The following GIT2 variants were observed in gnomAD, a reference collection of about 807,000 sequenced individuals.
GIT2 encodes ARF GTPase-activating protein GIT2.
In GIT2, 32 loss-of-function variants were observed where a neutral mutation model predicts 100.3. That is an observed-to-expected ratio of 0.32 (90% confidence interval 0.24 to 0.43). The LOEUF (loss-of-function observed/expected upper bound fraction) is 0.43, where lower values mean the gene tolerates loss of function less well. Ranked by LOEUF, GIT2 falls within the 20% of genes least tolerant of loss-of-function variation. The pLI is 1.00. For synonymous variants in GIT2, 353 were observed against 364.1 expected, an observed-to-expected ratio of 0.97 and a Z score of 0.35; for missense variants, 737 against 975.1, an observed-to-expected ratio of 0.76 and a Z score of 3.25.
In GIT2 at chr12:109,962,559, C is replaced by G. The variant is rs1336953212; in HGVS notation, c.817-874G>C. ...ACAACCACCTCACAGCCTGCAGTGC[C>G]TCCCTGGGCACATGGAGGATAATTG... On this transcript the variant is annotated intron_variant, in intron 9 of 19. Coordinates refer to ENST00000355312, the MANE Select transcript of GIT2 (RefSeq NM_057169.5). This position sits in a 1 kb window ranked among gnomAD's most constrained non-coding sequence, Gnocchi z 4.3. Among the ~76,000 whole-genome samples the G allele has an allele frequency of 6.6e-6, 1 of 152,138 alleles. No homozygotes were observed. Among genetic ancestry groups the G allele is most frequent in the African/African-American group, 2.4e-5 (1 of 41,430 alleles).
intron 17 of GIT2, chr12:109,938,825 G>A (rs1055835140): frequency 5.5e-5 from 28 of 512,292 alleles, no homozygotes; most frequent in Non-Finnish European, 9.3e-5. Flanking sequence ...CGGGGAGGGT[G>A]TTTGTTTATA....
At position 109,932,832 on chromosome 12, in the gene GIT2, GC is replaced by G. The variant is rs1468768087; in HGVS notation, c.*145del. The stretch of plus-strand genomic sequence containing the variant: ...TAGTTGAAAATTGGTTAGAAAACAT[GC>G]AAAAATAATACTGAGTTTTCTTTTA... On this transcript the variant is annotated 3_prime_UTR_variant, in exon 20 of 20. Transcript: ENST00000355312. The G allele has an allele frequency of 3.1e-5, 19 of 607,212 alleles. No homozygotes were observed. The highest frequency in any genetic ancestry group is 1.2e-5 in the Non-Finnish European group (4 of 341,076). 37.6% of individuals were successfully genotyped at this position (607,212 alleles called of 1,614,324 possible).
rs763719701 is a variant in GIT2, at chr12:109,945,310, G to A, written c.1681C>T (p.Pro561Ser). 2 of 1,587,486 alleles carry A rather than the reference G, an allele frequency of 1.3e-6. No individual in the cohort carries two copies. The highest frequency in any genetic ancestry group is 1.1e-5 in the South Asian group (1 of 90,442). ...SALVTSSSSL[P>S]SFPSTLSWSR... ...CAGGAAAGTGTGGAGGGGAAGGAAG[G>A]CAGAGATGAAGAGGAGGTCACAAGT... The change falls in exon 16 of 20, where the codon CCT becomes TCT. Residue 561 changes from proline to serine, a missense_variant. Pro to Ser is a moderately conservative substitution (Grantham distance 74, BLOSUM62 -1). Around this residue, in one of 3 missense-constraint regions of GIT2, gnomAD observed 451 missense variants for 543.7 expected, o/e 0.83. Transcript: ENST00000355312.
At position 109,948,562 on chromosome 12, in the gene GIT2, C is replaced by T. The variant is rs1384945929; in HGVS notation, c.1393-1058G>A. ...CGTCCATTCTGCGCAGGGTCCTTCC[C>T]TTCTGGTGCGCCTTCATCTTCCATG... On this transcript the variant is annotated intron_variant, in intron 14 of 19. Transcript: ENST00000355312. The surrounding 1 kb of genome is among the most constrained non-coding windows in gnomAD (Gnocchi z 4.3). 7.3e-7 allele frequency: 1 copy of T among 1,375,050 alleles called. No individual in the cohort carries two copies. The highest frequency in any genetic ancestry group is 9.3e-7 in the Non-Finnish European group (1 of 1,070,292). 85.2% of individuals were successfully genotyped at this position (1,375,050 alleles called of 1,614,324 possible).
At chr12:109,993,962 T>G (rs1430445401) in intron 1 of GIT2, among the ~76,000 whole-genome samples, 6 of 151,748 alleles carry the variant, frequency 4.0e-5, no homozygotes, top group Admixed American at 3.9e-4. Flanking sequence ...TATAACTCTG[T>G]CGCTATTACT....
Position 109,961,766 on chromosome 12 carries a change from T to G in GIT2, c.817-81A>C, listed in dbSNP as rs1486164209. ...AGAGGGAACTGCGACTTAGTCACCC[T>G]TTTATTGCCTACGTCTTATCCAATG... On this transcript the variant is annotated intron_variant, in intron 9 of 19. Coordinates refer to ENST00000355312, the MANE Select transcript of GIT2 (RefSeq NM_057169.5). The G allele has an allele frequency of 2.0e-5, 16 of 813,774 alleles. No homozygotes were observed. In the East Asian group the frequency reaches 3.9e-4, roughly 20 times the overall value. 50.4% of individuals were successfully genotyped at this position (813,774 alleles called of 1,614,324 possible).
Position 109,929,986 on chromosome 12 carries a change from T to C in GIT2, c.*2992A>G, listed in dbSNP as rs1435349705. On this transcript the variant is annotated 3_prime_UTR_variant, in exon 20 of 20. Transcript: ENST00000355312. ...CAGTTTTCCTATGCAGCATTTTCTT[T>C]TCTAGGAACACGTTACCTTCAACCA... 3 of 152,488 alleles carry C rather than the reference T, an allele frequency of 2.0e-5. No homozygotes were observed. Among genetic ancestry groups the C allele is most frequent in the Non-Finnish European group, 4.4e-5 (3 of 68,024 alleles). The allele number at this position is 152,488 out of a possible 1,614,324, so 9.4% of individuals were successfully genotyped here.
rs552762051 is a variant in GIT2 at position 109,964,767 on chromosome 12, T to C, written c.816+759A>G. 9.9e-5 allele frequency among the ~76,000 whole-genome samples: 15 copies of C among 152,208 alleles called. No homozygotes were observed. The South Asian group carries it at 3.1e-3, about 32-fold the overall frequency. ...AAAAAGAAGTTAAGAATCTTGGTTC[T>C]GATCCAAAGAGCAATGGGAACAGCT... On this transcript the variant is annotated intron_variant, in intron 9 of 19. Transcript: ENST00000355312.
At chr12:109,967,223 C>T in intron 8 of GIT2, 1 of 836,608 alleles carries the variant, frequency 1.2e-6, no homozygotes, top group South Asian at 1.6e-5. Context: ...CTGGCTAAAA[C>T]AGTGACAATA....
chr12:109,940,590 G>A (rs1315984024), intron 16 of GIT2: 1 of 151,944 alleles, frequency 6.6e-6, no homozygotes, highest in Non-Finnish European at 1.5e-5. Context: ...GTTTAAGAAG[G>A]TCTACATGGC....
At chr12:109,996,022 A>G in intron 1 of GIT2, 151 bp downstream of exon 1, 1 of 491,950 alleles carries the variant, frequency 2.0e-6, no homozygotes, top group Non-Finnish European at 3.5e-6. Flanking sequence ...CGGCTCTGAC[A>G]GGCCCGGGAC....
chr12:109,952,858 C>T lies in GIT2; in HGVS notation c.1242+234G>A, dbSNP rs531964230. 1.4e-4 allele frequency: 83 copies of T among 576,934 alleles called. No homozygotes were observed. The African/African-American group carries it at 1.5e-3, about 11-fold the overall frequency. The allele number at this position is 576,934 out of a possible 1,614,324, so 35.7% of individuals were successfully genotyped here. On this transcript the variant is annotated intron_variant, in intron 13 of 19. Transcript: ENST00000355312. ...ATATCCAGAGAAGTCACTCAGTAAA[C>T]ACTTGTTGAATGAATAAAACACACC...
In GIT2 at chr12:109,996,315, TGCG is replaced by T. The variant is rs1889418383; in HGVS notation, c.-94_-92del. On this transcript the variant is annotated 5_prime_UTR_variant, in exon 1 of 20. Coordinates refer to ENST00000355312, the MANE Select transcript of GIT2 (RefSeq NM_057169.5). Reference sequence around the variant, plus strand: ...CGCTTCCGCTCTAACGGGTCCCAGCTGCGGCGGCGCTGACGGCGGCGCCTCTCC... The same window carrying T: ...CGCTTCCGCTCTAACGGGTCCCAGCTGCGGCGCTGACGGCGGCGCCTCTCC... 9 of 887,432 alleles carry T rather than the reference TGCG, an allele frequency of 1.0e-5. No homozygotes were observed. In the East Asian group the frequency reaches 2.8e-4, roughly 27 times the overall value. 55.0% of individuals were successfully genotyped at this position (887,432 alleles called of 1,614,324 possible). A position where few individuals can be genotyped will look rare whatever the true frequency, so the allele number is the denominator to read the frequency against.
chr12:109,991,750 C>T lies in GIT2; in HGVS notation c.63G>A (p.Trp21Ter). 1 of 1,612,628 alleles carries T rather than the reference C, an allele frequency of 6.2e-7. No homozygotes were observed. Among genetic ancestry groups the T allele is most frequent in the Non-Finnish European group, 8.5e-7 (1 of 1,179,178 alleles). Reference protein sequence around the residue: ...CADCSGPDPSWASVNRGTFLC... With the variant: ...CADCSGPDPS ...AAAACGTTCCCCTATTTACTGATGC[C>T]CAGGAAGGATCTGGAAAGAGAGTGA... The change falls in exon 2 of 20, where the codon TGG (tryptophan) becomes TGA (stop). Residue 21 changes from tryptophan to a stop codon, truncating the protein, a stop_gained. Transcript: ENST00000355312. LOFTEE classifies it high-confidence loss of function.
chr12:109,968,485 G>A (rs112724392), intron 7 of GIT2, among the ~76,000 whole-genome samples: 16,886 of 152,128 alleles, frequency 0.11, 2,094 homozygotes, highest in African/African-American at 0.31. Context: ...GTGCAATGGC[G>A]CAATCTCGGC....
chr12:109,965,448 T>A (rs1284889603), intron 9 of GIT2, 78 bp downstream of exon 9: 1 of 791,164 alleles, frequency 1.3e-6, no homozygotes, highest in African/African-American at 1.7e-5. Flanking sequence ...ACGCAATAGG[T>A]AACCTGCATT....
At chr12:109,950,523 C>T (rs1481664784) in intron 14 of GIT2, among the ~76,000 whole-genome samples, 1 of 152,194 alleles carries the variant, frequency 6.6e-6, no homozygotes, top group Non-Finnish European at 1.5e-5. Context: ...CAACCACACT[C>T]CTTTTAGGGA....
At chr12:109,964,045 T>G (rs1881685500) in intron 9 of GIT2, among the ~76,000 whole-genome samples, 1 of 152,198 alleles carries the variant, frequency 6.6e-6, no homozygotes, top group South Asian at 2.1e-4. Context: ...AAGCATAATC[T>G]CAGCTTTCAT....
intron 7 of GIT2, among the ~76,000 whole-genome samples, chr12:109,977,328 T>C (rs985736888): frequency 1.3e-5 from 2 of 151,548 alleles, no homozygotes; most frequent in Admixed American, 6.6e-5. Context: ...CTGGGCAACA[T>C]GGTGAAACCC....
Sources: gnomAD v4.1 joint callset for allele counts (sites outside exome capture counted in the v4.1 genomes callset) on GRCh38, gnomAD v4.1.1 for gene constraint, gnomAD v4.1.1 regional missense constraint, Gnocchi (gnomAD v3.1) non-coding constraint, MANE v1.5 for transcripts, NCBI Gene and HGNC (gene_info 2026-07-23, HGNC 2026-07-21) for gene names.